The following CNBD1 variants were observed in gnomAD, a reference collection of about 807,000 sequenced individuals.
CNBD1 encodes cyclic nucleotide-binding domain-containing protein 1.
CNBD1 carries 71 observed loss-of-function variants against 54.4 expected under a neutral mutation model. That is an observed-to-expected ratio of 1.30 (90% confidence interval 1.08 to 1.59). CNBD1 has a LOEUF of 1.59. Ranked by LOEUF, CNBD1 falls within the 40% of genes most tolerant of loss-of-function variation. The pLI is 0.00. For missense variants in CNBD1, 659 were observed against 518.0 expected, an observed-to-expected ratio of 1.27 and a Z score of -2.64; for synonymous variants, 182 against 170.7, an observed-to-expected ratio of 1.07 and a Z score of -0.51.
intron 2 of CNBD1, among the ~76,000 whole-genome samples, chr8:87,408,780 A>G (rs548122018): frequency 6.6e-6 from 1 of 152,206 alleles, no homozygotes; most frequent in South Asian, 2.1e-4. Flanking sequence ...TCTCATTATT[A>G]TTACATCTTT....
In CNBD1 at chr8:87,372,451, T is replaced by C. The variant is rs934385376; in HGVS notation, c.1304-10169T>C. 4.6e-5 allele frequency among the ~76,000 whole-genome samples: 7 copies of C among 151,904 alleles called. No individual in the cohort carries two copies. The East Asian group carries it at 7.8e-4, about 17-fold the overall frequency. On this transcript the variant is annotated intron_variant, in intron 10 of 10. Coordinates refer to ENST00000518476, the MANE Select transcript of CNBD1 (RefSeq NM_173538.3). ...CTCACTGGATAAAAAGTAAATACTT[T>C]ATAATGTTTGTTCCCACTCCACTGA... is the stretch of plus-strand genomic sequence containing the variant.
intron 2 of CNBD1, among the ~76,000 whole-genome samples, chr8:86,903,863 G>T (rs530494140): frequency 2.2e-3 from 52 of 23,498 alleles, no homozygotes; most frequent in African/African-American, 0.015. Flanking sequence ...GTTACAAACA[G>T]AATTTTTTTT....
intron 4 of CNBD1, among the ~76,000 whole-genome samples, chr8:87,024,366 GT>G (rs1006786466): frequency 6.6e-6 from 1 of 150,764 alleles, no homozygotes; most frequent in Admixed American, 6.6e-5. Flanking sequence ...TTGAGAGGGA[GT>G]CTCACTGTGT....
At chr8:87,005,500 C>T (rs1252170204) in intron 4 of CNBD1, among the ~76,000 whole-genome samples, 1 of 152,026 alleles carries the variant, frequency 6.6e-6, no homozygotes, top group Non-Finnish European at 1.5e-5. Flanking sequence ...GTATTGACTG[C>T]TGTCACTCAC....
At position 87,147,339 on chromosome 8, in the gene CNBD1, A is replaced by G. The variant is rs1260620012; in HGVS notation, c.432-58654A>G. Among the ~76,000 whole-genome samples, 4 of 152,150 alleles carry G rather than the reference A, an allele frequency of 2.6e-5. No homozygotes were observed. The East Asian group carries it at 7.7e-4, about 29-fold the overall frequency. On this transcript the variant is annotated intron_variant, in intron 4 of 10. Transcript: ENST00000518476. ...ATCACTATTTTTCACACAAGCCATT[A>G]GAATACTACCTGGGCTTTTGATGGT...
chr8:87,331,391 C>G (rs1178990490), intron 8 of CNBD1, among the ~76,000 whole-genome samples: 3 of 152,160 alleles, frequency 2.0e-5, no homozygotes, highest in African/African-American at 4.8e-5. Context: ...AGGACATGAT[C>G]TCATTCCTTT....
intron 10 of CNBD1, among the ~76,000 whole-genome samples, chr8:87,354,884 A>T (rs543479964): frequency 4.6e-5 from 7 of 152,174 alleles, no homozygotes; most frequent in Non-Finnish European, 1.0e-4. Flanking sequence ...ATTTGTCTTT[A>T]TAGCAGCATG....
chr8:86,931,519 C>A (rs1809457957), intron 3 of CNBD1, among the ~76,000 whole-genome samples: 1 of 152,066 alleles, frequency 6.6e-6, no homozygotes, highest in Admixed American at 6.6e-5. Flanking sequence ...TGATAACAAG[C>A]CCTACTAGGT....
chr8:87,144,331 C>G (rs1812437245), intron 4 of CNBD1, among the ~76,000 whole-genome samples: 1 of 152,106 alleles, frequency 6.6e-6, no homozygotes, highest in Admixed American at 6.6e-5. Flanking sequence ...AATTACTAAG[C>G]ATGGCAGAGA....
chr8:86,894,035 A>ATTTTTTTTTTTTTT lies in CNBD1; in HGVS notation c.158+6448_158+6461dup, dbSNP rs869060076. Among the ~76,000 whole-genome samples the ATTTTTTTTTTTTTT allele has an allele frequency of 1.7e-4, 9 of 52,368 alleles. 3 individuals carry two copies. Among genetic ancestry groups the ATTTTTTTTTTTTTT allele is most frequent in the Non-Finnish European group, 2.5e-4 (7 of 28,064 alleles). 34.4% of individuals were successfully genotyped at this position (52,368 alleles called of 152,430 possible). ...TTTATTCATATATTTTAATAGATTA[A>ATTTTTTTTTTTTTT]TTTTTTTTTTTTTTTTTTTTTTTTT... On this transcript the variant is annotated intron_variant, in intron 2 of 10. Coordinates refer to ENST00000518476, the MANE Select transcript of CNBD1 (RefSeq NM_173538.3).
At chr8:87,390,554 C>A (rs1014753068) in intron 2 of CNBD1, among the ~76,000 whole-genome samples, 5 of 152,096 alleles carry the variant, frequency 3.3e-5, no homozygotes, top group Non-Finnish European at 7.4e-5. Flanking sequence ...TCATCTCACA[C>A]CAGTTAGAAT....
chr8:87,080,746 G>T (rs990118084), intron 4 of CNBD1, among the ~76,000 whole-genome samples: 7 of 151,984 alleles, frequency 4.6e-5, no homozygotes, highest in Admixed American at 2.6e-4. Flanking sequence ...AATAGATATT[G>T]GACTATATAC....
intron 3 of CNBD1, among the ~76,000 whole-genome samples, chr8:86,926,653 CA>C (rs1180900644): frequency 6.6e-6 from 1 of 151,952 alleles, no homozygotes; most frequent in Non-Finnish European, 1.5e-5. Flanking sequence ...GGTGTAAAAA[CA>C]ACACTCTTTC....
At chr8:87,121,014 C>G (rs1811878637) in intron 4 of CNBD1, among the ~76,000 whole-genome samples, 1 of 151,882 alleles carries the variant, frequency 6.6e-6, no homozygotes, top group African/African-American at 2.4e-5. Context: ...TAATATTTTA[C>G]TATCTGGGCA....
chr8:87,255,916 C>G (rs1807997942), intron 6 of CNBD1, among the ~76,000 whole-genome samples: 1 of 128,386 alleles, frequency 7.8e-6, no homozygotes, highest in African/African-American at 2.9e-5. Flanking sequence ...ACAAAAAAGA[C>G]TGATGTTGCA....
chr8:87,414,237 C>A (rs1464060629), intron 2 of CNBD1, among the ~76,000 whole-genome samples: 1 of 151,904 alleles, frequency 6.6e-6, no homozygotes, highest in African/African-American at 2.4e-5. Flanking sequence ...ATGGATGAAA[C>A]TGGAAATCAT....
chr8:87,064,313 T>C (rs1810603000), intron 4 of CNBD1, among the ~76,000 whole-genome samples: 1 of 152,026 alleles, frequency 6.6e-6, no homozygotes, highest in South Asian at 2.1e-4. Flanking sequence ...ATCTTTTGTA[T>C]ATTTTTATTA....
chr8:87,165,527 T>C (rs13281536), intron 4 of CNBD1, among the ~76,000 whole-genome samples: 27 of 152,146 alleles, frequency 1.8e-4, no homozygotes, highest in Middle Eastern at 3.4e-3. Flanking sequence ...CTTGTGACAG[T>C]TTCTGACTTA....
intron 5 of CNBD1, among the ~76,000 whole-genome samples, chr8:87,214,962 C>G (rs1051658886): frequency 2.0e-5 from 3 of 152,066 alleles, no homozygotes; most frequent in African/African-American, 7.2e-5. Flanking sequence ...CCATATCACC[C>G]CAGAATTCCA....
Sources: allele counts gnomAD v4.1 joint callset (sites outside exome capture counted in the v4.1 genomes callset), GRCh38; gene constraint gnomAD v4.1.1; transcripts MANE v1.5; gene names NCBI Gene and HGNC (gene_info 2026-07-23, HGNC 2026-07-21).